Variants in ZNF503 observed in about 807,000 individuals in gnomAD.
ZNF503 encodes zinc finger protein 503.
In ZNF503, 15 loss-of-function variants were observed where a neutral mutation model predicts 34.4. That is an observed-to-expected ratio of 0.44 (90% CI 0.29 to 0.67). The LOEUF is 0.67. ZNF503 is among the 30% of genes least tolerant of loss of function. The probability of loss-of-function intolerance (pLI) is 0.13; values close to 1 mark genes in which losing one functional copy is unlikely to be tolerated. For synonymous variants in ZNF503, 580 were observed against 456.8 expected (o/e 1.27, Z -3.44); for missense variants, 1,007 against 926.8 (o/e 1.09, Z -1.12).
At chr10:75,280,942 G>A in the ZNF503 span, among the ~76,000 whole-genome samples, 1 of 152,182 alleles carries the variant, frequency 6.6e-6, no homozygotes, top group Non-Finnish European at 1.5e-5. Flanking sequence ...TGTGGTGGGC[G>A]AGAGCGGCTG....
the ZNF503 span, among the ~76,000 whole-genome samples, chr10:75,365,634 C>A: frequency 2.0e-5 from 3 of 152,224 alleles, no homozygotes; most frequent in Non-Finnish European, 4.4e-5. Flanking sequence ...CCTAGCCCCA[C>A]CACTGCATAG....
chr10:75,381,802 A>ACTTTTTT, the ZNF503 span, among the ~76,000 whole-genome samples: 1 of 41,376 alleles, frequency 2.4e-5, no homozygotes, highest in Non-Finnish European at 5.4e-5. Flanking sequence ...ACAGAACCTA[A>ACTTTTTT]TTCTTTTTTT....
chr10:75,309,615 A>G, the ZNF503 span, among the ~76,000 whole-genome samples: 1 of 152,220 alleles, frequency 6.6e-6, no homozygotes, highest in Non-Finnish European at 1.5e-5. Flanking sequence ...ACATAATGCT[A>G]TTGCACACTT....
the ZNF503 span, among the ~76,000 whole-genome samples, chr10:75,300,708 T>C: frequency 4.0e-4 from 53 of 133,640 alleles, no homozygotes; most frequent in East Asian, 3.4e-3. Flanking sequence ...TTCTTTCTTT[T>C]TTTTTTTTTT....
At chr10:75,333,099 G>T in the ZNF503 span, among the ~76,000 whole-genome samples, 1 of 142,618 alleles carries the variant, frequency 7.0e-6, no homozygotes, top group Non-Finnish European at 1.5e-5. Context: ...CTGGCCGGGC[G>T]GGGGGCTGAC....
At chr10:75,359,456 C>T in the ZNF503 span, among the ~76,000 whole-genome samples, 25 of 152,342 alleles carry the variant, frequency 1.6e-4, no homozygotes, top group Non-Finnish European at 2.4e-4. Flanking sequence ...CCACAAATAA[C>T]GCAGATTTGG....
At chr10:75,353,653 G>A in the ZNF503 span, among the ~76,000 whole-genome samples, 8 of 152,268 alleles carry the variant, frequency 5.3e-5, no homozygotes, top group African/African-American at 1.7e-4. Flanking sequence ...AAGAAGGGAG[G>A]GGCTCCCCTG....
chr10:75,377,890 G>T, the ZNF503 span, among the ~76,000 whole-genome samples: 1 of 152,160 alleles, frequency 6.6e-6, no homozygotes, highest in Non-Finnish European at 1.5e-5. Context: ...TGCACAGGAA[G>T]CATAGCAGCT....
Position 75,401,415 on chromosome 10 carries a change from C to A in ZNF503, c.5G>T (p.Ser2Ile). 6.5e-7 allele frequency: 1 copy of A among 1,536,904 alleles called. No individual in the cohort carries two copies. The highest frequency in any genetic ancestry group is 8.7e-7 in the Non-Finnish European group (1 of 1,145,902). ...TAGGGCAGAAAGCGAGGGCGCTGTG[C>A]TCATGACCCACCCGCGCGCATGGGA... Reference protein sequence around the residue: MSTAPSLSALRS... With the variant: MITAPSLSALRS... The change falls in exon 1 of 2, where the codon AGC (serine) becomes ATC (isoleucine). Residue 2 changes from serine to isoleucine, a missense_variant. Physicochemically the swap from Ser to Ile is moderately radical, Grantham distance 142. Coordinates refer to ENST00000372524, the MANE Select transcript of ZNF503 (RefSeq NM_032772.6).
the ZNF503 span, among the ~76,000 whole-genome samples, chr10:75,337,320 A>C: frequency 6.5e-3 from 868 of 132,756 alleles, 8 homozygotes; most frequent in African/African-American, 0.024. Context: ...CAAAGTGAAA[A>C]CCTGTCTTAA....
chr10:75,357,207 A>G, the ZNF503 span, among the ~76,000 whole-genome samples: 1 of 151,942 alleles, frequency 6.6e-6, no homozygotes, highest in African/African-American at 2.4e-5. Flanking sequence ...AGACAAGTAG[A>G]GGTATAGCTA....
the ZNF503 span, among the ~76,000 whole-genome samples, chr10:75,390,385 CTCT>C: frequency 6.6e-6 from 1 of 151,020 alleles, no homozygotes; most frequent in South Asian, 2.1e-4. Flanking sequence ...CCTCTTCCTC[CTCT>C]TCCTCCCCCT....
chr10:75,395,570 G>A (rs542479386), downstream of ZNF503, among the ~76,000 whole-genome samples: 1 of 152,152 alleles, frequency 6.6e-6, no homozygotes, highest in African/African-American at 2.4e-5. The surrounding 1 kb of genome is among the most constrained non-coding windows in gnomAD (Gnocchi z 4.4). Context: ...TCGGGAAAAA[G>A]CTGGAGAGAG....
At chr10:75,319,632 C>T in the ZNF503 span, among the ~76,000 whole-genome samples, 3 of 152,054 alleles carry the variant, frequency 2.0e-5, no homozygotes, top group African/African-American at 7.3e-5. Context: ...AGACTTAAGT[C>T]CTAAACATAT....
At chr10:75,334,823 CTGTT>C in the ZNF503 span, among the ~76,000 whole-genome samples, 7 of 152,326 alleles carry the variant, frequency 4.6e-5, no homozygotes, top group African/African-American at 1.7e-4. Context: ...GATCCTTCAA[CTGTT>C]TGTGTGCAAA....
At chr10:75,309,220 A>G in the ZNF503 span, among the ~76,000 whole-genome samples, 92 of 152,334 alleles carry the variant, frequency 6.0e-4, 2 homozygotes, top group South Asian at 0.018. Context: ...TGCTGTGAAC[A>G]TTGTTGAAAT....
Position 75,401,368 on chromosome 10 carries a change from C to CGCCGCT in ZNF503, c.46_51dup (p.Ser16_Gly17dup), listed in dbSNP as rs761979896. On this transcript the variant is annotated inframe_insertion, in exon 1 of 2. Coordinates refer to ENST00000372524, the MANE Select transcript of ZNF503 (RefSeq NM_032772.6). ...CCGCCTCCGCCTCCGCCGCCGCCGC[C>CGCCGCT]GCCGCTGTGCTTACTGCTTCTTAGG... 3 of 1,539,180 alleles carry CGCCGCT rather than the reference C, an allele frequency of 1.9e-6. No individual in the cohort carries two copies. The highest frequency in any genetic ancestry group is 1.2e-5 in the South Asian group (1 of 84,010).
the ZNF503 span, among the ~76,000 whole-genome samples, chr10:75,321,058 C>T: frequency 6.6e-6 from 1 of 152,126 alleles, no homozygotes; most frequent in African/African-American, 2.4e-5. Context: ...TTAGCACCAT[C>T]CCCCTAGTGC....
the ZNF503 span, among the ~76,000 whole-genome samples, chr10:75,308,158 C>T: frequency 3.5e-5 from 5 of 141,694 alleles, no homozygotes; most frequent in East Asian, 2.1e-4. Context: ...TGCCTGTGCT[C>T]TTTAAATGGA....
Sources: allele counts gnomAD v4.1 joint callset (sites outside exome capture counted in the v4.1 genomes callset), GRCh38; gene constraint gnomAD v4.1.1; non-coding constraint Gnocchi (gnomAD v3.1); transcripts MANE v1.5; gene names NCBI Gene and HGNC (gene_info 2026-07-23, HGNC 2026-07-21).